SAMD4A: variants seen among roughly 807,000 people sequenced by gnomAD.
SAMD4A encodes protein Smaug homolog 1.
SAMD4A carries 33 observed loss-of-function variants against 81.3 expected under a neutral mutation model. The observed-to-expected ratio is 0.41, with a 90% CI of 0.31 to 0.54. The LOEUF (loss-of-function observed/expected upper bound fraction) is 0.54, where lower values mean the gene tolerates loss of function less well. Ranked by LOEUF, SAMD4A falls within the 20% of genes least tolerant of loss-of-function variation. The pLI, the probability that SAMD4A is intolerant of heterozygous loss-of-function variation, is 0.37. For synonymous variants in SAMD4A, 389 were observed against 382.1 expected (o/e 1.02, Z -0.21); for missense variants, 854 against 951.1 (o/e 0.90, Z 1.34).
rs777647154 is a variant in SAMD4A, at chr14:54,775,149, C to G, written c.1917+14C>G. ...CAAGGAAGACAGGTTTGTTCTGCCC[C>G]AAGGAAGGAGGAGGATGGCCAAGCT... On this transcript the variant is annotated intron_variant, in intron 10 of 12. Coordinates refer to ENST00000554335, the MANE Select transcript of SAMD4A (RefSeq NM_015589.6). 4.3e-6 allele frequency: 7 copies of G among 1,613,982 alleles called. No homozygotes were observed. In the African/African-American group the frequency reaches 9.3e-5, roughly 22 times the overall value.
chr14:54,646,365 C>T lies in SAMD4A; in HGVS notation c.197-55697C>T, dbSNP rs1209684234. Among the ~76,000 whole-genome samples the T allele has an allele frequency of 2.0e-5, 3 of 152,218 alleles. No homozygotes were observed. The South Asian group carries it at 6.2e-4, about 32-fold the overall frequency. ...AGGGCATAAATGCAGCCCAGGTGTA[C>T]TTCCCGTGCTCTGGCACCAGAACAT... On this transcript the variant is annotated intron_variant, in intron 2 of 12. Transcript: ENST00000554335.
At chr14:54,573,776 A>G (rs35451982) in intron 2 of SAMD4A, among the ~76,000 whole-genome samples, 1 of 152,200 alleles carries the variant, frequency 6.6e-6, no homozygotes, top group African/African-American at 2.4e-5. Context: ...GATTTTCCCA[A>G]AGAAAGCAGA....
chr14:54,741,644 T>C (rs557449961), intron 4 of SAMD4A, among the ~76,000 whole-genome samples: 4 of 152,356 alleles, frequency 2.6e-5, no homozygotes, highest in African/African-American at 7.2e-5. Context: ...TATGAAAATA[T>C]GCTGTCTTAA....
chr14:54,725,893 C>A (rs140411765), intron 3 of SAMD4A, among the ~76,000 whole-genome samples: 2,589 of 152,292 alleles, frequency 0.017, 37 homozygotes, highest in Middle Eastern at 0.099. Context: ...CCTACCCCAA[C>A]GTCAACAGAA....
intron 3 of SAMD4A, among the ~76,000 whole-genome samples, chr14:54,707,516 C>T (rs75609574): frequency 1.9e-3 from 290 of 152,198 alleles, no homozygotes; most frequent in Middle Eastern, 6.8e-3. Context: ...GTGGATAAGA[C>T]AAAGCTGCCT....
chr14:54,769,814 A>T (rs1234658778), intron 8 of SAMD4A, among the ~76,000 whole-genome samples: 1 of 152,202 alleles, frequency 6.6e-6, no homozygotes, highest in East Asian at 1.9e-4. Context: ...TCTGGAGTGG[A>T]GTCAGGAGGG....
At chr14:54,665,324 C>A (rs1277249498) in intron 2 of SAMD4A, among the ~76,000 whole-genome samples, 1 of 152,186 alleles carries the variant, frequency 6.6e-6, no homozygotes, top group African/African-American at 2.4e-5. Flanking sequence ...TATGCCGGAA[C>A]ATGAACTTTG....
At chr14:54,707,421 T>A (rs2036887573) in intron 3 of SAMD4A, among the ~76,000 whole-genome samples, 1 of 152,118 alleles carries the variant, frequency 6.6e-6, no homozygotes, top group East Asian at 1.9e-4. Flanking sequence ...CATTATTGAT[T>A]TACTCATTTT....
At chr14:54,767,518 C>T (rs1205042411) in intron 8 of SAMD4A, among the ~76,000 whole-genome samples, 1 of 152,266 alleles carries the variant, frequency 6.6e-6, no homozygotes, top group East Asian at 1.9e-4. Context: ...AGAAGATGAG[C>T]TCTTGCCGCT....
At chr14:54,696,222 T>C (rs2036574936) in intron 2 of SAMD4A, among the ~76,000 whole-genome samples, 1 of 152,212 alleles carries the variant, frequency 6.6e-6, no homozygotes, top group Admixed American at 6.5e-5. Flanking sequence ...TTTGCCATGT[T>C]GGTATTTTTG....
chr14:54,576,315 A>G (rs2033295972), intron 2 of SAMD4A, among the ~76,000 whole-genome samples: 1 of 152,176 alleles, frequency 6.6e-6, no homozygotes, highest in South Asian at 2.1e-4. Context: ...GCATGAGTAA[A>G]ATGTCAATGC....
chr14:54,647,452 C>A lies in SAMD4A; in HGVS notation c.197-54610C>A, dbSNP rs183541090. 1.8e-3 allele frequency among the ~76,000 whole-genome samples: 269 copies of A among 152,314 alleles called. 1 individual carries two copies. Among genetic ancestry groups the A allele is most frequent in the African/African-American group, 6.2e-3 (256 of 41,568 alleles). On this transcript the variant is annotated intron_variant, in intron 2 of 12. Coordinates refer to ENST00000554335, the MANE Select transcript of SAMD4A (RefSeq NM_015589.6). ...TAACTGCTTCCCCACTATGTTATCA[C>A]CCTTATGAAAACACACTTTTTAAAG... is the stretch of plus-strand genomic sequence containing the variant.
At chr14:54,774,740 G>A (rs906953814) in intron 9 of SAMD4A, among the ~76,000 whole-genome samples, 194 bp from the exon 10 acceptor site, 2 of 149,834 alleles carry the variant, frequency 1.3e-5, no homozygotes, top group African/African-American at 2.5e-5. Flanking sequence ...CCTGAGCCCA[G>A]GAGGTCAAGG....
At chr14:54,635,829 C>T (rs910142405) in intron 2 of SAMD4A, among the ~76,000 whole-genome samples, 6 of 152,132 alleles carry the variant, frequency 3.9e-5, no homozygotes, top group African/African-American at 1.4e-4. Context: ...CTTGAAATTT[C>T]AGTGATCCTA....
At chr14:54,571,018 C>T (rs143480067) in intron 2 of SAMD4A, among the ~76,000 whole-genome samples, 35 of 114,838 alleles carry the variant, frequency 3.0e-4, no homozygotes, top group African/African-American at 9.7e-4. Context: ...ATATGGGACT[C>T]GATCTCAGTA....
intron 6 of SAMD4A, among the ~76,000 whole-genome samples, chr14:54,758,033 G>A (rs2038292112): frequency 6.6e-6 from 1 of 152,224 alleles, no homozygotes; most frequent in Non-Finnish European, 1.5e-5. Flanking sequence ...GAGTGATCAG[G>A]ATCACGCCTG....
At chr14:54,698,797 G>A (rs535573276) in intron 2 of SAMD4A, among the ~76,000 whole-genome samples, 9 of 152,316 alleles carry the variant, frequency 5.9e-5, no homozygotes, top group East Asian at 1.9e-4. Flanking sequence ...GCGGCCTCTC[G>A]TTTTCCTTCC....
At chr14:54,664,864 T>C (rs1226927216) in intron 2 of SAMD4A, among the ~76,000 whole-genome samples, 2 of 147,710 alleles carry the variant, frequency 1.4e-5, no homozygotes, top group Non-Finnish European at 3.0e-5. Context: ...CTTAAAATAA[T>C]AAGCTTTAAT....
intron 4 of SAMD4A, among the ~76,000 whole-genome samples, chr14:54,747,666 G>C (rs1364973658): frequency 6.6e-6 from 1 of 152,230 alleles, no homozygotes; most frequent in South Asian, 2.1e-4. Context: ...TACAGCCACT[G>C]TTTTTCAGCC....
Sources: allele counts gnomAD v4.1 joint callset (sites outside exome capture counted in the v4.1 genomes callset), GRCh38; gene constraint gnomAD v4.1.1; transcripts MANE v1.5; gene names NCBI Gene and HGNC (gene_info 2026-07-23, HGNC 2026-07-21).